Variants in RPS6KA2 observed in about 807,000 individuals in gnomAD.
RPS6KA2 encodes ribosomal protein S6 kinase A2.
Under a neutral mutation model 91.8 loss-of-function variants are expected in RPS6KA2, and 42 were observed. The observed-to-expected ratio is 0.46, with a 90% CI of 0.36 to 0.59. The LOEUF is 0.59. Ranked by LOEUF, RPS6KA2 falls within the 20% of genes least tolerant of loss-of-function variation. The pLI is 0.00. For missense variants in RPS6KA2, 798 were observed against 978.5 expected, an observed-to-expected ratio of 0.82 and a Z score of 2.46; for synonymous variants, 414 against 393.6, an observed-to-expected ratio of 1.05 and a Z score of -0.61.
At chr6:166,485,687 C>G (rs983470257) in intron 10 of RPS6KA2, among the ~76,000 whole-genome samples, 1 of 152,166 alleles carries the variant, frequency 6.6e-6, no homozygotes. Context: ...TAAGAAACAC[C>G]GCCTCCCCCA....
rs1487585531 is a variant in RPS6KA2 at position 166,415,887 on chromosome 6, A to G, written c.1939-1956T>C. Among the ~76,000 whole-genome samples, 3 of 145,926 alleles carry G rather than the reference A, an allele frequency of 2.1e-5. No individual in the cohort carries two copies. In the East Asian group the frequency reaches 6.3e-4, roughly 31 times the overall value. On this transcript the variant is annotated intron_variant, in intron 19 of 20. Coordinates refer to ENST00000265678, the MANE Select transcript of RPS6KA2 (RefSeq NM_021135.6). ...CATCACCCCCACCATAATCTTCACC[A>G]TCACCTCCACAATCATCCTCACCGT...
intron 2 of RPS6KA2, among the ~76,000 whole-genome samples, chr6:166,674,007 G>A (rs1030927908): frequency 5.9e-5 from 9 of 152,208 alleles, no homozygotes; most frequent in African/African-American, 1.9e-4. Flanking sequence ...TTCACAAAGC[G>A]TGTCAACAGC....
chr6:166,585,629 GCA>G (rs1785150228), intron 1 of RPS6KA2, among the ~76,000 whole-genome samples: 1 of 50,558 alleles, frequency 2.0e-5, no homozygotes, highest in Non-Finnish European at 3.1e-5. Context: ...CTTAACAAAT[GCA>G]AAAAAAAAAA....
chr6:166,627,776 C>T (rs1582962142), upstream of RPS6KA2: 2 of 152,234 alleles, frequency 1.3e-5, no homozygotes, highest in South Asian at 4.1e-4. Context: ...ATTATGTTTT[C>T]CTTCCTTAAA....
At chr6:166,559,771 T>C (rs1784285418) in intron 1 of RPS6KA2, among the ~76,000 whole-genome samples, 1 of 152,208 alleles carries the variant, frequency 6.6e-6, no homozygotes, top group Non-Finnish European at 1.5e-5. Flanking sequence ...TGTTATACCA[T>C]ATATTAGATG....
rs189955674 is a variant in RPS6KA2 at position 166,783,243 on chromosome 6, T to C, written c.123+74957A>G. On this transcript the variant is annotated intron_variant, in intron 2 of 21. Coordinates refer to the RPS6KA2 transcript ENST00000503859. ...GCTGGAACTACAAGCAGGAGCCACG[T>C]GATTAACATTGAAATCAGCAGATTT... 8.8e-3 allele frequency among the ~76,000 whole-genome samples: 1,339 copies of C among 151,742 alleles called. 5 individuals are homozygous for C. The highest frequency in any genetic ancestry group is 0.012 in the Non-Finnish European group (837 of 67,934).
rs530888366 is a variant in RPS6KA2, at chr6:166,728,729, C to A, written c.123+129471G>T. ...TGCTTACTTTCTCACTTCTAAAAAA[C>A]GGTATGGTCTCGACGCATACAGATC... On this transcript the variant is annotated intron_variant, in intron 2 of 21. Transcript: ENST00000503859. Among the ~76,000 whole-genome samples, 72 of 152,254 alleles carry A rather than the reference C, an allele frequency of 4.7e-4. 1 individual carries two copies. Among genetic ancestry groups the A allele is most frequent in the African/African-American group, 1.6e-3 (67 of 41,558 alleles).
intron 2 of RPS6KA2, among the ~76,000 whole-genome samples, chr6:166,707,696 G>A (rs1345742294): frequency 1.3e-5 from 2 of 152,100 alleles, no homozygotes; most frequent in African/African-American, 4.8e-5. Context: ...TAATTATGGT[G>A]ATCATTATTA....
intron 2 of RPS6KA2, among the ~76,000 whole-genome samples, chr6:166,830,974 C>T (rs1379093587): frequency 2.6e-5 from 4 of 152,316 alleles, no homozygotes; most frequent in East Asian, 3.9e-4. Flanking sequence ...CTGGGTCACA[C>T]GCTGTGGTTG....
chr6:166,524,172 T>C (rs1265386024), intron 3 of RPS6KA2, among the ~76,000 whole-genome samples: 1 of 152,190 alleles, frequency 6.6e-6, no homozygotes. Flanking sequence ...GCTGGAATGA[T>C]TTTATTTTCT....
chr6:166,458,390 G>A (rs1193330634), intron 12 of RPS6KA2, among the ~76,000 whole-genome samples: 1 of 152,182 alleles, frequency 6.6e-6, no homozygotes, highest in African/African-American at 2.4e-5. Context: ...GATGGGGCTT[G>A]CTTCTACTTG....
At chr6:166,458,213 C>T (rs536574231) in intron 12 of RPS6KA2, among the ~76,000 whole-genome samples, 1 of 152,312 alleles carries the variant, frequency 6.6e-6, no homozygotes, top group Non-Finnish European at 1.5e-5. Flanking sequence ...TTGGAGCCCT[C>T]ATAATTCCCA....
intron 2 of RPS6KA2, among the ~76,000 whole-genome samples, chr6:166,759,922 G>A (rs1176827279): frequency 1.3e-5 from 2 of 152,168 alleles, no homozygotes; most frequent in African/African-American, 2.4e-5. Flanking sequence ...TCTGAGTGTC[G>A]AAGGAGGACA....
intron 2 of RPS6KA2, chr6:166,702,325 G>A: frequency 6.2e-7 from 1 of 1,613,556 alleles, no homozygotes; most frequent in Non-Finnish European, 8.5e-7. Context: ...GGCGACCTCG[G>A]GGCTGCAGAA....
chr6:166,701,515 C>T, intron 2 of RPS6KA2: 1 of 1,414,190 alleles, frequency 7.1e-7, no homozygotes, highest in Non-Finnish European at 1.0e-6. Context: ...AGCAATCTTA[C>T]TTGAAGCTCC....
At chr6:166,744,644 C>T (rs768831753) in intron 2 of RPS6KA2, among the ~76,000 whole-genome samples, 17 of 152,316 alleles carry the variant, frequency 1.1e-4, no homozygotes, top group African/African-American at 2.2e-4. Context: ...AGGGTCCTCC[C>T]GCGCTGCCCC....
At chr6:166,438,415 G>A (rs189996016) in intron 14 of RPS6KA2, among the ~76,000 whole-genome samples, 5 of 152,336 alleles carry the variant, frequency 3.3e-5, no homozygotes, top group African/African-American at 7.2e-5. Context: ...TGGTCACGCC[G>A]CGTCACTACA....
intron 1 of RPS6KA2, among the ~76,000 whole-genome samples, chr6:166,581,248 T>C (rs186514833): frequency 6.6e-6 from 1 of 152,172 alleles, no homozygotes; most frequent in Non-Finnish European, 1.5e-5. Context: ...TATGTGAAAA[T>C]CCACTCAAAC....
At chr6:166,561,763 A>T (rs1784352019) in intron 1 of RPS6KA2, among the ~76,000 whole-genome samples, 1 of 152,086 alleles carries the variant, frequency 6.6e-6, no homozygotes, top group Admixed American at 6.5e-5. Context: ...CTGGAAGAAG[A>T]AGAATTGGAA....
Sources: allele counts gnomAD v4.1 joint callset (sites outside exome capture counted in the v4.1 genomes callset), GRCh38; gene constraint gnomAD v4.1.1; transcripts MANE v1.5; gene names NCBI Gene and HGNC (gene_info 2026-07-23, HGNC 2026-07-21).